The following C3orf33 variants were observed in gnomAD, a reference collection of about 807,000 sequenced individuals.
C3orf33 encodes mitochondrial inner membrane subdomain organizer 1.
C3orf33 carries 23 observed loss-of-function variants against 28.7 expected under a neutral mutation model. That is an observed-to-expected ratio of 0.80 (90% CI 0.58 to 1.13). The LOEUF (loss-of-function observed/expected upper bound fraction) is 1.13. Among genes scored for constraint, C3orf33 ranks in the 50% most tolerant of loss-of-function variants. The pLI is 0.00. For synonymous variants in C3orf33, 119 were observed against 120.5 expected (o/e 0.99, Z 0.08); for missense variants, 327 against 353.4 (o/e 0.93, Z 0.60).
Position 155,763,685 on chromosome 3 carries a change from C to CT in C3orf33, c.716dup (p.Asp240GlyfsTer20). 2 of 1,592,364 alleles carry CT rather than the reference C, an allele frequency of 1.3e-6. No homozygotes were observed. ...ATCCTGTTGTTTTTAAAAAACTGTC[C>CT]TTTTTCCATATTTCTCTCCAGGAAT... is the stretch of plus-strand genomic sequence containing the variant. On this transcript the variant is annotated frameshift_variant, in exon 5 of 5. Coordinates refer to ENST00000340171, the MANE Select transcript of C3orf33 (RefSeq NM_001308229.2). LOFTEE classifies it high-confidence loss of function.
At chr3:155,788,947 G>A (rs536899775) in intron 2 of C3orf33, among the ~76,000 whole-genome samples, 3 of 152,238 alleles carry the variant, frequency 2.0e-5, no homozygotes, top group East Asian at 3.9e-4. Context: ...AAAACTATTA[G>A]AACTAACACA....
chr3:155,792,767 G>A (rs1010488829), intron 2 of C3orf33, among the ~76,000 whole-genome samples: 1 of 151,916 alleles, frequency 6.6e-6, no homozygotes, highest in Non-Finnish European at 1.5e-5. Context: ...CTGAGGACAG[G>A]CTATTTGAAA....
chr3:155,784,162 T>G (rs1036780177), intron 2 of C3orf33, among the ~76,000 whole-genome samples: 2 of 152,070 alleles, frequency 1.3e-5, no homozygotes, highest in Non-Finnish European at 2.9e-5. Flanking sequence ...ACTCCCAACC[T>G]CAGGTGATCC....
intron 2 of C3orf33, among the ~76,000 whole-genome samples, chr3:155,781,476 A>G (rs1312767379): frequency 5.3e-5 from 8 of 152,150 alleles, no homozygotes; most frequent in Non-Finnish European, 8.8e-5. Flanking sequence ...TTACTTAAAA[A>G]TAGTGGGCCA....
chr3:155,769,484 T>TAAA (rs1750513273), intron 3 of C3orf33, among the ~76,000 whole-genome samples: 1 of 111,982 alleles, frequency 8.9e-6, no homozygotes, highest in African/African-American at 4.6e-5. Flanking sequence ...TGAGACTGTT[T>TAAA]CAAAAAAAAA....
chr3:155,793,832 A>AAAAAAC (rs1415614969), intron 2 of C3orf33, among the ~76,000 whole-genome samples: 3 of 145,942 alleles, frequency 2.1e-5, no homozygotes, highest in Admixed American at 6.8e-5. Flanking sequence ...AAAAAACTAA[A>AAAAAAC]AAAACTAAAA....
chr3:155,805,528 T>G (rs974568111), intron 1 of C3orf33: 1 of 445,408 alleles, frequency 2.2e-6, no homozygotes, highest in Non-Finnish European at 4.5e-6. Flanking sequence ...GAGGACAGCC[T>G]GGACAACATA....
chr3:155,765,233 G>C (rs1016766129), intron 4 of C3orf33, among the ~76,000 whole-genome samples: 4 of 152,186 alleles, frequency 2.6e-5, no homozygotes, highest in African/African-American at 7.2e-5. Context: ...TTGGATACAG[G>C]CTTTTCTTCC....
At position 155,767,633 on chromosome 3, in the gene C3orf33, C is replaced by A; in HGVS notation, c.359G>T (p.Gly120Val). Residue 120 changes from glycine (G) to valine (V), a missense_variant, in exon 4 of 5, where the codon GGA becomes GTA. Transcript: ENST00000340171. ...CTTCCCAGTTTCAGCGAGTTCTACT[C>A]CAGCCAACTTAACCAGCAAAGCACC... ...PRGALLVKLAGVELAETGKAW... is the reference protein window; with the variant it reads ...PRGALLVKLAVVELAETGKAW... The A allele has an allele frequency of 6.3e-7, 1 of 1,579,932 alleles. No homozygotes were observed. The highest frequency in any genetic ancestry group is 1.7e-5 in the Admixed American group (1 of 57,698).
chr3:155,785,357 T>C (rs1208365353), intron 2 of C3orf33, among the ~76,000 whole-genome samples: 1 of 152,062 alleles, frequency 6.6e-6, no homozygotes, highest in Non-Finnish European at 1.5e-5. Flanking sequence ...ATCGCTTAGA[T>C]CTAACAAACA....
chr3:155,774,047 G>A (rs1750666993), intron 3 of C3orf33, among the ~76,000 whole-genome samples: 1 of 152,110 alleles, frequency 6.6e-6, no homozygotes, highest in Non-Finnish European at 1.5e-5. Context: ...TTCAACTCGG[G>A]ATTTTAAAAA....
intron 3 of C3orf33, among the ~76,000 whole-genome samples, chr3:155,770,755 G>A (rs369421379): frequency 6.6e-6 from 1 of 151,806 alleles, no homozygotes; most frequent in Non-Finnish European, 1.5e-5. Flanking sequence ...TACAACCTCT[G>A]CCTCAAGTGA....
chr3:155,765,943 T>C (rs1750390021), intron 4 of C3orf33, among the ~76,000 whole-genome samples: 1 of 152,270 alleles, frequency 6.6e-6, no homozygotes, highest in Non-Finnish European at 1.5e-5. Flanking sequence ...GAATATCATC[T>C]GGACATGCAA....
At chr3:155,802,886 T>A (rs1386150480) in intron 1 of C3orf33, among the ~76,000 whole-genome samples, 1 of 152,030 alleles carries the variant, frequency 6.6e-6, no homozygotes, top group Non-Finnish European at 1.5e-5. Flanking sequence ...CACACACATA[T>A]ACACACCCAC....
At chr3:155,805,756 A>G (rs988772642) in intron 1 of C3orf33, 1 of 468,056 alleles carries the variant, frequency 2.1e-6, no homozygotes, top group African/African-American at 2.0e-5. Context: ...AATAAAAATT[A>G]GAAATGCTCT....
chr3:155,801,897 C>T lies in C3orf33; in HGVS notation c.174+635G>A, dbSNP rs139091909. On this transcript the variant is annotated intron_variant, in intron 2 of 4. Transcript: ENST00000340171. ...TCCTGAGTAGCTGGGATTACAGGTG[C>T]CTGCCACCACACCTGGCTAATTGTT... Among the ~76,000 whole-genome samples the T allele has an allele frequency of 4.6e-5, 7 of 152,122 alleles. No individual in the cohort carries two copies. The East Asian group carries it at 1.4e-3, about 29-fold the overall frequency.
chr3:155,793,538 A>C (rs560555340), intron 2 of C3orf33, among the ~76,000 whole-genome samples: 1 of 152,228 alleles, frequency 6.6e-6, no homozygotes, highest in Admixed American at 6.5e-5. Flanking sequence ...GGCCAGGCGC[A>C]GTGACTCACA....
chr3:155,763,608 TA>T lies in C3orf33; in HGVS notation c.793del (p.Tyr265MetfsTer8), dbSNP rs768256976. On this transcript the variant is annotated frameshift_variant, in exon 5 of 5. Coordinates refer to ENST00000340171, the MANE Select transcript of C3orf33 (RefSeq NM_001308229.2). LOFTEE classifies it high-confidence loss of function. Reference protein sequence around the residue: ...ESYYEKLKRTYEIWKDNMNNC... With the variant: ...ESYYEKLKRTXEIWKDNMNNC... ...GTTCATGTTGTCTTTCCATATTTCA[TA>T]AGTCCTTTTAAGTTTTTCATAATAA... The T allele has an allele frequency of 3.1e-5, 49 of 1,591,342 alleles. No individual in the cohort carries two copies. The highest frequency in any genetic ancestry group is 3.8e-5 in the Non-Finnish European group (45 of 1,174,192).
intron 2 of C3orf33, among the ~76,000 whole-genome samples, chr3:155,793,171 A>G (rs1027511924): frequency 6.6e-6 from 1 of 151,574 alleles, no homozygotes; most frequent in East Asian, 1.9e-4. Context: ...CGAGAGTGAC[A>G]TGGCATAAAG....
Sources: allele counts gnomAD v4.1 joint callset (sites outside exome capture counted in the v4.1 genomes callset), GRCh38; gene constraint gnomAD v4.1.1; transcripts MANE v1.5; gene names NCBI Gene and HGNC (gene_info 2026-07-23, HGNC 2026-07-21).